IFT81: variants seen among roughly 807,000 people sequenced by gnomAD.
The protein encoded by IFT81 is intraflagellar transport 81, also known as intraflagellar transport protein 81 homolog.
A neutral mutation model predicts 102.6 loss-of-function variants in IFT81; 72 were observed. The observed-to-expected ratio is 0.70, with a 90% CI of 0.58 to 0.85. IFT81 has a LOEUF of 0.85. IFT81 is among the 40% of genes least tolerant of loss of function. IFT81 has a pLI of 0.00. For synonymous variants in IFT81, 237 were observed against 242.7 expected (o/e 0.98, Z 0.22); for missense variants, 723 against 787.3 (o/e 0.92, Z 0.98).
chr12:110,143,751 TAATC>T (rs60059195), intron 9 of IFT81, among the ~76,000 whole-genome samples: 148 of 152,318 alleles, frequency 9.7e-4, no homozygotes, highest in African/African-American at 3.5e-3. Context: ...TATGAAAACA[TAATC>T]AATTGATTAG....
Position 110,128,131 on chromosome 12 carries a change from C to T in IFT81, c.230C>T (p.Ser77Leu). 1 of 1,608,090 alleles carries T rather than the reference C, an allele frequency of 6.2e-7. No individual in the cohort carries two copies. Among genetic ancestry groups the T allele is most frequent in the South Asian group, 1.1e-5 (1 of 90,884 alleles). Residue 77 changes from serine (S) to leucine (L), a missense_variant, in exon 3 of 19, where the codon TCA (serine) becomes TTA (leucine). By Grantham distance (145) the Ser-to-Leu change is moderately radical (BLOSUM62 -2). Coordinates refer to ENST00000242591, the MANE Select transcript of IFT81 (RefSeq NM_014055.4). Reference sequence around the variant, plus strand: ...CTTGGTATTCTTAAGTACAAACCTTCAGGAAATGCCACAGATATGTAAGAA... The same window carrying T: ...CTTGGTATTCTTAAGTACAAACCTTTAGGAAATGCCACAGATATGTAAGAA... ...SLLGILKYKP[S>L]GNATDMSTFR...
intron 14 of IFT81, among the ~76,000 whole-genome samples, chr12:110,195,772 A>G (rs1241160335): frequency 1.3e-5 from 2 of 152,220 alleles, no homozygotes; most frequent in Non-Finnish European, 2.9e-5. Context: ...AAAAAGACTC[A>G]TAAGAACAAT....
intron 5 of IFT81, among the ~76,000 whole-genome samples, chr12:110,133,561 A>G (rs1360120334): frequency 1.3e-5 from 2 of 152,018 alleles, no homozygotes; most frequent in Non-Finnish European, 2.9e-5. Flanking sequence ...CTGGGAGTTC[A>G]AGGCTGCAGT....
chr12:110,169,631 C>T (rs1166899140), intron 11 of IFT81, among the ~76,000 whole-genome samples: 1 of 152,110 alleles, frequency 6.6e-6, no homozygotes, highest in Non-Finnish European at 1.5e-5. Flanking sequence ...GACATGATCT[C>T]AACCCACTGC....
chr12:110,138,378 A>C lies in IFT81; in HGVS notation c.781+1518A>C, dbSNP rs117929435. ...AAAGTACTTTTAGTATGACAGTATAATTTGTCTTTTTGCAGAGTAACAGCT... is the reference window on the plus strand; with the variant it reads ...AAAGTACTTTTAGTATGACAGTATACTTTGTCTTTTTGCAGAGTAACAGCT... On this transcript the variant is annotated intron_variant, in intron 8 of 18. Transcript: ENST00000242591. Among the ~76,000 whole-genome samples, 587 of 152,274 alleles carry C rather than the reference A, an allele frequency of 3.9e-3. 4 individuals are homozygous for C. Among genetic ancestry groups the C allele is most frequent in the Non-Finnish European group, 6.4e-3 (433 of 68,012 alleles).
At chr12:110,138,069 G>T (rs535332569) in intron 8 of IFT81, among the ~76,000 whole-genome samples, 1 of 152,152 alleles carries the variant, frequency 6.6e-6, no homozygotes, top group Non-Finnish European at 1.5e-5. Context: ...AAGAGCAGTG[G>T]AAAGCTCTCA....
chr12:110,129,980 G>A (rs777521713), intron 4 of IFT81, among the ~76,000 whole-genome samples: 3 of 152,110 alleles, frequency 2.0e-5, no homozygotes, highest in Non-Finnish European at 4.4e-5. Flanking sequence ...ATAGAGACAG[G>A]TGCCATGTCT....
intron 11 of IFT81, among the ~76,000 whole-genome samples, chr12:110,176,653 T>C (rs941898007): frequency 2.0e-5 from 3 of 152,244 alleles, no homozygotes; most frequent in Non-Finnish European, 2.9e-5. Flanking sequence ...ATGTGTTTTC[T>C]TTTTTCTAAT....
chr12:110,163,088 A>G (rs966895788), intron 11 of IFT81, 23 bp downstream of exon 11: 4 of 1,605,138 alleles, frequency 2.5e-6, no homozygotes, highest in African/African-American at 1.3e-5. Flanking sequence ...ATCTCATGGG[A>G]CAAGGGTATG....
chr12:110,195,369 C>T lies in IFT81; in HGVS notation c.1557+2663C>T, dbSNP rs1237855634. On this transcript the variant is annotated intron_variant, in intron 14 of 18. Transcript: ENST00000242591. ...TTTCTTGTTCCTCCTCCCTTCCTTC[C>T]CTCTCCTCTAGCACCTGATTTTAGT... 3.9e-5 allele frequency among the ~76,000 whole-genome samples: 6 copies of T among 152,062 alleles called. No individual in the cohort carries two copies. The East Asian group carries it at 1.2e-3, about 29-fold the overall frequency.
rs1897698356 is a variant in IFT81 at position 110,189,588 on chromosome 12, A to T, written c.1339-1332A>T. Among the ~76,000 whole-genome samples, 11 of 152,264 alleles carry T rather than the reference A, an allele frequency of 7.2e-5. No homozygotes were observed. In the South Asian group the frequency reaches 2.1e-3, roughly 29 times the overall value. ...GGTCTCAAACTCCTGACCTTAGGGG[A>T]TCCACCTGCCTCAGCCTCCCAAAGT... On this transcript the variant is annotated intron_variant, in intron 12 of 18. Coordinates refer to ENST00000242591, the MANE Select transcript of IFT81 (RefSeq NM_014055.4).
intron 10 of IFT81, among the ~76,000 whole-genome samples, chr12:110,159,835 C>A (rs1896044135): frequency 6.6e-6 from 1 of 152,164 alleles, no homozygotes; most frequent in South Asian, 2.1e-4. Context: ...GTGTTTGGGG[C>A]TGGAGGTGGG....
At chr12:110,216,612 G>T in intron 18 of IFT81, 1 of 451,138 alleles carries the variant, frequency 2.2e-6, no homozygotes. Flanking sequence ...CCAGGTTCAA[G>T]CAATTCTCCT....
At chr12:110,210,023 TG>T (rs2137602371) in intron 18 of IFT81, among the ~76,000 whole-genome samples, 1 of 152,292 alleles carries the variant, frequency 6.6e-6, no homozygotes, top group African/African-American at 2.4e-5. Flanking sequence ...CTCCTAGAAG[TG>T]GTAGAGAGTA....
At chr12:110,131,653 A>C (rs1004644953) in intron 4 of IFT81, among the ~76,000 whole-genome samples, 16 of 152,014 alleles carry the variant, frequency 1.1e-4, no homozygotes, top group African/African-American at 3.6e-4. Flanking sequence ...TGGCCCATTC[A>C]ACTACTTTAT....
chr12:110,139,858 AAATAAAAT>A (rs1337342364), intron 8 of IFT81, among the ~76,000 whole-genome samples: 1 of 127,276 alleles, frequency 7.9e-6, no homozygotes, highest in African/African-American at 3.1e-5. Context: ...AAATAAAATA[AAATAAAAT>A]ATAAAATAAA....
intron 9 of IFT81, among the ~76,000 whole-genome samples, chr12:110,145,028 A>ATTT (rs753990394): frequency 2.0e-4 from 22 of 111,014 alleles, no homozygotes; most frequent in African/African-American, 6.3e-4. Flanking sequence ...ACTATGCCTA[A>ATTT]TTTTTTTTTT....
intron 14 of IFT81, among the ~76,000 whole-genome samples, chr12:110,193,391 G>T (rs1897877773): frequency 6.6e-6 from 1 of 152,134 alleles, no homozygotes; most frequent in Non-Finnish European, 1.5e-5. Flanking sequence ...CCCACAAGTG[G>T]TGACAAGTTA....
At chr12:110,187,128 A>G (rs796438291) in intron 12 of IFT81, among the ~76,000 whole-genome samples, 82 of 152,278 alleles carry the variant, frequency 5.4e-4, no homozygotes, top group African/African-American at 1.8e-3. Flanking sequence ...TAGAATTTCC[A>G]TATGATTCAA....
Sources: allele counts gnomAD v4.1 joint callset (sites outside exome capture counted in the v4.1 genomes callset), GRCh38; gene constraint gnomAD v4.1.1; transcripts MANE v1.5; gene names NCBI Gene and HGNC (gene_info 2026-07-23, HGNC 2026-07-21).